MAP3K10: variants seen among roughly 807,000 people sequenced by gnomAD.
MAP3K10 encodes the protein mitogen-activated protein kinase kinase kinase 10.
Under a neutral mutation model 75.0 loss-of-function variants are expected in MAP3K10, and 22 were observed. That is an observed-to-expected ratio of 0.29 (90% CI 0.21 to 0.42). The LOEUF (loss-of-function observed/expected upper bound fraction) is 0.42, where lower values mean the gene tolerates loss of function less well. Among genes scored for constraint, MAP3K10 ranks in the 10% least tolerant of loss-of-function variants. The pLI is 1.00. For synonymous variants in MAP3K10, 599 were observed against 612.9 expected (o/e 0.98, Z 0.34); for missense variants, 1,165 against 1,379.8 (o/e 0.84, Z 2.47).
chr19:40,209,294 G>T, intron 6 of MAP3K10, 75 bp downstream of exon 6: 2 of 1,152,510 alleles, frequency 1.7e-6, no homozygotes, highest in Non-Finnish European at 2.6e-6. Flanking sequence ...TTTATACCTG[G>T]CACCAAGCCA....
At chr19:40,193,480 T>C (rs1213539853) in intron 1 of MAP3K10, among the ~76,000 whole-genome samples, 1 of 152,214 alleles carries the variant, frequency 6.6e-6, no homozygotes, top group African/African-American at 2.4e-5. Context: ...TCTGCAAGAC[T>C]CATTTCTAGA....
rs61289931 is a variant in MAP3K10 at position 40,195,471 on chromosome 19, C to CTTTTTTTTTTTT, written c.682+2784_682+2795dup. Among the ~76,000 whole-genome samples the CTTTTTTTTTTTT allele has an allele frequency of 7.8e-4, 38 of 48,658 alleles. 5 individuals are homozygous for CTTTTTTTTTTTT. Among genetic ancestry groups the CTTTTTTTTTTTT allele is most frequent in the African/African-American group, 1.5e-3 (25 of 17,216 alleles). 31.9% of individuals were successfully genotyped at this position (48,658 alleles called of 152,430 possible). A position where few individuals can be genotyped will look rare whatever the true frequency, so the allele number is the denominator to read the frequency against. ...GAGGTAACACTGAAGCCCGCCCGGC[C>CTTTTTTTTTTTT]TTTTTTTTTTTTTTTTTTTTTTTTT... is the stretch of plus-strand genomic sequence containing the variant. On this transcript the variant is annotated intron_variant, in intron 1 of 9. Coordinates refer to ENST00000253055, the MANE Select transcript of MAP3K10 (RefSeq NM_002446.4).
intron 1 of MAP3K10, among the ~76,000 whole-genome samples, chr19:40,195,471 CTTTTTTTTTTTTTTTTTTTTTTTT>C (rs61289931): frequency 4.1e-5 from 2 of 48,656 alleles, no homozygotes; most frequent in Admixed American, 7.4e-4. Flanking sequence ...CCCGCCCGGC[CTTTTTTTTTTTTTTTTTTTTTTTT>C]TTTTTTTTTT....
chr19:40,214,497 A>C (rs952165710), intron 9 of MAP3K10, among the ~76,000 whole-genome samples: 1 of 152,100 alleles, frequency 6.6e-6, no homozygotes, highest in Non-Finnish European at 1.5e-5. Context: ...CAGCCTAGAC[A>C]CTGTTCTCCT....
rs950979432 is a variant in MAP3K10, at chr19:40,215,046, G to A, written c.2619G>A (p.Glu873=). 3 of 1,606,446 alleles carry A rather than the reference G, an allele frequency of 1.9e-6. No homozygotes were observed. Among genetic ancestry groups the A allele is most frequent in the East Asian group, 2.2e-5 (1 of 44,782 alleles). ...TCCCAGCCCGCCGCCGGCCCCCTGA[G>A]TTCCCAGGCCGCCCCACCACCCTGA... ...ALFPARRRPP[E]FPGRPTTLTF... The change falls in exon 10 of 10, where the codon GAG becomes GAA. Residue 873 remains glutamate (E), a synonymous_variant. Transcript: ENST00000253055.
At chr19:40,193,188 T>C (rs1972849478) in intron 1 of MAP3K10, among the ~76,000 whole-genome samples, 1 of 152,184 alleles carries the variant, frequency 6.6e-6, no homozygotes, top group South Asian at 2.1e-4. Flanking sequence ...ATCTTTAGCC[T>C]CTTCCCACTA....
rs977621135 is a variant in MAP3K10 at position 40,205,118 on chromosome 19, C to T, written c.1013-3C>T. ...ACCACTGTCCTTCCTCCTCCCACCC[C>T]AGAATGCTGGGACCCAGACCCCCAC... is the stretch of plus-strand genomic sequence containing the variant. On this transcript the variant is annotated splice_polypyrimidine_tract_variant and splice_region_variant and intron_variant, in intron 3 of 9. Transcript: ENST00000253055. This position sits in a 1 kb window ranked among gnomAD's most constrained non-coding sequence, Gnocchi z 4.3. The T allele has an allele frequency of 6.2e-7, 1 of 1,612,538 alleles. No individual in the cohort carries two copies. The highest frequency in any genetic ancestry group is 8.5e-7 in the Non-Finnish European group (1 of 1,179,930).
intron 5 of MAP3K10, among the ~76,000 whole-genome samples, chr19:40,208,144 C>T (rs1317949189): frequency 6.6e-6 from 1 of 151,746 alleles, no homozygotes; most frequent in East Asian, 1.9e-4. Context: ...AAATGGAGTA[C>T]CTGTTTTTTG....
In MAP3K10 at chr19:40,197,215, G is replaced by A. The variant is rs139892144; in HGVS notation, c.683-1160G>A. On this transcript the variant is annotated intron_variant, in intron 1 of 9. Transcript: ENST00000253055. ...CATGGTGATGACACAAGTGCAAGAG[G>A]GCCAGCAGACATGCAAGGCCTGGGC... Among the ~76,000 whole-genome samples, 372 of 152,244 alleles carry A rather than the reference G, an allele frequency of 2.4e-3. 1 individual carries two copies. Among genetic ancestry groups the A allele is most frequent in the African/African-American group, 8.1e-3 (337 of 41,538 alleles).
intron 5 of MAP3K10, among the ~76,000 whole-genome samples, chr19:40,207,926 C>T (rs1027875240): frequency 6.6e-6 from 1 of 151,286 alleles, no homozygotes; most frequent in African/African-American, 2.4e-5. Flanking sequence ...TGGGGTCTTG[C>T]TATATTGCCC....
chr19:40,206,185 C>G, intron 5 of MAP3K10, 28 bp downstream of exon 5: 2 of 1,557,640 alleles, frequency 1.3e-6, no homozygotes, highest in Non-Finnish European at 1.7e-6. Context: ...CAGAGCGCCC[C>G]CCAAGAGGCT....
Position 40,205,908 on chromosome 19 carries a change from C to A in MAP3K10, c.1189-3C>A. 6.5e-7 allele frequency: 1 copy of A among 1,546,158 alleles called. No individual in the cohort carries two copies. Among genetic ancestry groups the A allele is most frequent in the Non-Finnish European group, 8.8e-7 (1 of 1,142,592 alleles). On this transcript the variant is annotated splice_polypyrimidine_tract_variant and splice_region_variant and intron_variant, in intron 4 of 9. Transcript: ENST00000253055. This position sits in a 1 kb window ranked among gnomAD's most constrained non-coding sequence, Gnocchi z 4.3. ...CCCCCCAGCCACCGCCTCTCCTTCC[C>A]AGGAGCTTCGGAGCCGTGAGGAGGA...
At position 40,212,069 on chromosome 19, in the gene MAP3K10, C is replaced by T. The variant is rs1298427196; in HGVS notation, c.1553-736C>T. 3.9e-5 allele frequency among the ~76,000 whole-genome samples: 6 copies of T among 152,186 alleles called. No homozygotes were observed. Among genetic ancestry groups the T allele is most frequent in the African/African-American group, 1.4e-4 (6 of 41,446 alleles). On this transcript the variant is annotated intron_variant, in intron 6 of 9. Transcript: ENST00000253055. This position sits in a 1 kb window ranked among gnomAD's most constrained non-coding sequence, Gnocchi z 4.2. ...ACTGCCCTGGGGCAGCCCCCAGAGC[C>T]ATGCGAGCAAGGCACTGAGGGAATC...
intron 6 of MAP3K10, among the ~76,000 whole-genome samples, chr19:40,209,759 G>A (rs1313164551): frequency 2.0e-5 from 3 of 152,110 alleles, no homozygotes; most frequent in Non-Finnish European, 2.9e-5. Flanking sequence ...GGAGCTCAGG[G>A]AAGGGAATAA....
At chr19:40,201,182 T>TG (rs1361219888) in intron 2 of MAP3K10, among the ~76,000 whole-genome samples, 2 of 150,534 alleles carry the variant, frequency 1.3e-5, no homozygotes, top group Non-Finnish European at 3.0e-5. Flanking sequence ...TTGTTTTTTT[T>TG]TTTTTTTTGA....
chr19:40,191,469 G>T lies in MAP3K10; in HGVS notation c.-563G>T, dbSNP rs1197717671. On this transcript the variant is annotated 5_prime_UTR_variant, in exon 1 of 10. Coordinates refer to ENST00000253055, the MANE Select transcript of MAP3K10 (RefSeq NM_002446.4). The stretch of plus-strand genomic sequence containing the variant: ...GTGGCCCGGGGAAGCAGCACGGGCG[G>T]GGGGCAGGGGCTGGGGCCGACCGGG... 6.6e-6 allele frequency among the ~76,000 whole-genome samples: 1 copy of T among 151,298 alleles called. No homozygotes were observed. The highest frequency in any genetic ancestry group is 2.4e-5 in the African/African-American group (1 of 41,292).
Position 40,213,938 on chromosome 19 carries a change from C to T in MAP3K10, c.2259C>T (p.Ser753=), listed in dbSNP as rs1254142997. The change falls in exon 9 of 10, where the codon TCC becomes TCT. Residue 753 remains serine (S), a synonymous_variant. Transcript: ENST00000253055. The surrounding 1 kb of genome is among the most constrained non-coding windows in gnomAD (Gnocchi z 5.7). Reference sequence around the variant, plus strand: ...CCCTCGTGTCGCTGTCGTCCGTGTCCGACTGCAACTCCACGCGTTCACTGC... The same window carrying T: ...CCCTCGTGTCGCTGTCGTCCGTGTCTGACTGCAACTCCACGCGTTCACTGC... ...SATLVSLSSV[S]DCNSTRSLLR... The T allele has an allele frequency of 5.9e-6, 9 of 1,529,924 alleles. No individual in the cohort carries two copies. Among genetic ancestry groups the T allele is most frequent in the South Asian group, 1.2e-5 (1 of 82,370 alleles). The allele number at this position is 1,529,924 out of a possible 1,614,324, so 94.8% of individuals were successfully genotyped here. A position where few individuals can be genotyped will look rare whatever the true frequency, so the allele number is the denominator to read the frequency against.
chr19:40,207,279 G>A (rs999263905), intron 5 of MAP3K10, among the ~76,000 whole-genome samples: 2 of 151,914 alleles, frequency 1.3e-5, no homozygotes, highest in Non-Finnish European at 2.9e-5. Flanking sequence ...CAGGAGGGAG[G>A]CACGTAGTGT....
Position 40,204,786 on chromosome 19 carries a change from T to C in MAP3K10, c.1012+153T>C. Reference sequence around the variant, plus strand: ...CACTGGACTCTAAACAGCCTCCCCATGGTTGGCTCCATCCCCCACATCCCA... The same window carrying C: ...CACTGGACTCTAAACAGCCTCCCCACGGTTGGCTCCATCCCCCACATCCCA... On this transcript the variant is annotated intron_variant, in intron 3 of 9. Transcript: ENST00000253055. This position sits in a 1 kb window ranked among gnomAD's most constrained non-coding sequence, Gnocchi z 4.3. 3 of 950,202 alleles carry C rather than the reference T, an allele frequency of 3.2e-6. No individual in the cohort carries two copies. The highest frequency in any genetic ancestry group is 4.6e-6 in the Non-Finnish European group (3 of 656,774). The allele number at this position is 950,202 out of a possible 1,614,324, so 58.9% of individuals were successfully genotyped here.
Sources: gnomAD v4.1 joint callset for allele counts (sites outside exome capture counted in the v4.1 genomes callset) on GRCh38, gnomAD v4.1.1 for gene constraint, Gnocchi (gnomAD v3.1) non-coding constraint, MANE v1.5 for transcripts, NCBI Gene and HGNC (gene_info 2026-07-23, HGNC 2026-07-21) for gene names.